Variants in SHB observed in about 807,000 individuals in gnomAD.
SHB encodes the protein SH2 domain-containing adapter protein B.
In SHB, 20 loss-of-function variants were observed where a neutral mutation model predicts 52.3. That is an observed-to-expected ratio of 0.38 (90% CI 0.27 to 0.56). The LOEUF is 0.56. SHB is among the 20% of genes least tolerant of loss of function. The pLI is 0.71. For synonymous variants in SHB, 397 were observed against 316.5 expected, an observed-to-expected ratio of 1.25 and a Z score of -2.70; for missense variants, 825 against 723.3, an observed-to-expected ratio of 1.14 and a Z score of -1.61.
intron 5 of SHB, among the ~76,000 whole-genome samples, chr9:37,925,650 C>T (rs781521399): frequency 1.2e-4 from 18 of 152,238 alleles, no homozygotes; most frequent in Admixed American, 5.9e-4. Context: ...TACTCAGGCT[C>T]TAAGTGGCTG....
intron 2 of SHB, among the ~76,000 whole-genome samples, chr9:37,976,543 G>A (rs763625534): frequency 6.6e-6 from 1 of 152,026 alleles, no homozygotes; most frequent in Non-Finnish European, 1.5e-5. Flanking sequence ...GAATCTGATC[G>A]GTCTAGGCAC....
chr9:37,943,861 C>T (rs1007999564), intron 5 of SHB, among the ~76,000 whole-genome samples: 4 of 152,226 alleles, frequency 2.6e-5, no homozygotes, highest in Non-Finnish European at 5.9e-5. Flanking sequence ...CTCACCAAAC[C>T]AGAACTTGCC....
intron 2 of SHB, among the ~76,000 whole-genome samples, chr9:38,006,334 T>C (rs1821075440): frequency 6.6e-6 from 1 of 152,214 alleles, no homozygotes; most frequent in Non-Finnish European, 1.5e-5. Context: ...TTTTCCTAAA[T>C]GACTTCCTAA....
intron 1 of SHB, among the ~76,000 whole-genome samples, chr9:38,027,458 G>A (rs532042981): frequency 6.6e-6 from 1 of 152,210 alleles, no homozygotes; most frequent in South Asian, 2.1e-4. Flanking sequence ...TCCTCTAGAG[G>A]CCACAGGCCA....
chr9:37,919,948 A>T lies in SHB; in HGVS notation c.1403T>A (p.Leu468Gln). 1 of 1,614,194 alleles carries T rather than the reference A, an allele frequency of 6.2e-7. No individual in the cohort carries two copies. Among genetic ancestry groups the T allele is most frequent in the Non-Finnish European group, 8.5e-7 (1 of 1,180,002 alleles). Residue 468 changes from leucine to glutamine, a missense_variant, in exon 6 of 6, where the codon CTG becomes CAG. Transcript: ENST00000377707. Reference protein sequence around the residue: ...KLAKTKEKYVLGQNSPPFDSV... With the variant: ...KLAKTKEKYVQGQNSPPFDSV... Reference sequence around the variant, plus strand: ...GTCGAACGGAGGGCTGTTCTGACCCAGAACGTATTTCTCTTTGGTTTTGGC... The same window carrying T: ...GTCGAACGGAGGGCTGTTCTGACCCTGAACGTATTTCTCTTTGGTTTTGGC...
chr9:37,963,958 C>A (rs934638272), intron 3 of SHB, among the ~76,000 whole-genome samples: 1 of 152,192 alleles, frequency 6.6e-6, no homozygotes, highest in South Asian at 2.1e-4. Context: ...TGAGAATTAC[C>A]ATTTTATAGA....
chr9:38,046,141 C>T (rs913947499), intron 1 of SHB, among the ~76,000 whole-genome samples: 4 of 150,860 alleles, frequency 2.7e-5, no homozygotes, highest in African/African-American at 7.3e-5. Flanking sequence ...GTGGGAGAAT[C>T]GCTCAAAACC....
At chr9:38,049,734 C>A (rs190503203) in intron 1 of SHB, among the ~76,000 whole-genome samples, 2 of 151,966 alleles carry the variant, frequency 1.3e-5, no homozygotes, top group East Asian at 3.9e-4. Context: ...GGCACTAACA[C>A]TGGCCCACAC....
At chr9:37,997,235 C>A (rs934292602) in intron 2 of SHB, among the ~76,000 whole-genome samples, 6 of 152,192 alleles carry the variant, frequency 3.9e-5, no homozygotes, top group African/African-American at 1.4e-4. Context: ...GCAAGCCATC[C>A]TTTCCCTCTT....
intron 1 of SHB, 98 bp downstream of exon 1, chr9:38,067,831 G>C (rs987502400): frequency 7.8e-7 from 1 of 1,278,586 alleles, no homozygotes; most frequent in African/African-American, 1.6e-5. Context: ...CTAGGCCGAA[G>C]CTGAAGTAGA....
chr9:37,966,031 G>A (rs968603303), intron 3 of SHB, among the ~76,000 whole-genome samples: 1 of 152,170 alleles, frequency 6.6e-6, no homozygotes, highest in African/African-American at 2.4e-5. Flanking sequence ...TGGAGACAGG[G>A]TTTCACCATA....
At chr9:38,022,926 T>TG (rs1384766991) in intron 1 of SHB, among the ~76,000 whole-genome samples, 3 of 152,126 alleles carry the variant, frequency 2.0e-5, no homozygotes, top group Admixed American at 1.3e-4. Flanking sequence ...GCTTCTGCTT[T>TG]GGGGGGAAGG....
At chr9:38,001,601 TA>T (rs1197194433) in intron 2 of SHB, among the ~76,000 whole-genome samples, 2 of 152,254 alleles carry the variant, frequency 1.3e-5, no homozygotes, top group Non-Finnish European at 2.9e-5. Context: ...TTGGGTTCGA[TA>T]CTCTCCAAGT....
rs3747546 is a variant in SHB, at chr9:37,916,196, G to A, written c.*3625C>T. Among the ~76,000 whole-genome samples the A allele has an allele frequency of 0.013, 1,983 of 152,362 alleles. 18 individuals carry two copies. Among genetic ancestry groups the A allele is most frequent in the Middle Eastern group, 0.034 (10 of 294 alleles). On this transcript the variant is annotated 3_prime_UTR_variant, in exon 6 of 6. Coordinates refer to ENST00000377707, the MANE Select transcript of SHB (RefSeq NM_003028.3). ...CTGCACTCCCTCTGGATGGCTTGCC[G>A]AATTTGGTCTTCGCTGATCACCAAT...
chr9:37,934,081 G>A (rs1050045329), intron 5 of SHB, among the ~76,000 whole-genome samples: 1 of 152,148 alleles, frequency 6.6e-6, no homozygotes, highest in Admixed American at 6.5e-5. Context: ...TGTCCAGCTT[G>A]GCCATCAGTC....
At chr9:37,943,647 G>A (rs1196252232) in intron 5 of SHB, among the ~76,000 whole-genome samples, 1 of 152,196 alleles carries the variant, frequency 6.6e-6, no homozygotes, top group African/African-American at 2.4e-5. Flanking sequence ...CCTTGTCAAA[G>A]CTGCTGACTG....
Position 37,918,421 on chromosome 9 carries a change from C to CTG in SHB, c.*1398_*1399dup, listed in dbSNP as rs779864653. ...TGGAAGCAGTGTGGACCACTGAGGG[C>CTG]TGTGTGTGTGTGTGTGTGTGTGTGT... On this transcript the variant is annotated 3_prime_UTR_variant, in exon 6 of 6. Coordinates refer to ENST00000377707, the MANE Select transcript of SHB (RefSeq NM_003028.3). Among the ~76,000 whole-genome samples the CTG allele has an allele frequency of 1.5e-4, 14 of 92,048 alleles. 1 individual carries two copies. The highest frequency in any genetic ancestry group is 2.0e-4 in the African/African-American group (5 of 24,824). 60.4% of individuals were successfully genotyped at this position (92,048 alleles called of 152,430 possible).
At chr9:38,030,963 A>AG (rs57307549) in intron 1 of SHB, among the ~76,000 whole-genome samples, 33 of 151,752 alleles carry the variant, frequency 2.2e-4, no homozygotes, top group African/African-American at 6.3e-4. Flanking sequence ...CAAAAAAAAA[A>AG]GGGGGGAAAG....
intron 3 of SHB, among the ~76,000 whole-genome samples, chr9:37,966,062 C>T (rs1820515438): frequency 6.6e-6 from 1 of 152,178 alleles, no homozygotes; most frequent in South Asian, 2.1e-4. Flanking sequence ...TGGTCTCGAG[C>T]TCCTGACCTC....
Sources: allele counts gnomAD v4.1 joint callset (sites outside exome capture counted in the v4.1 genomes callset), GRCh38; gene constraint gnomAD v4.1.1; transcripts MANE v1.5; gene names NCBI Gene and HGNC (gene_info 2026-07-23, HGNC 2026-07-21).